RASL10B: variants seen among roughly 807,000 people sequenced by gnomAD.
RASL10B encodes the protein RAS like family 10 member B.
In RASL10B, 10 loss-of-function variants were observed where a neutral mutation model predicts 20.7. That is an observed-to-expected ratio of 0.48 (90% CI 0.30 to 0.82). The LOEUF is 0.82. Ranked by LOEUF, RASL10B falls within the 40% of genes least tolerant of loss-of-function variation. The pLI is 0.07. For synonymous variants in RASL10B, 110 were observed against 123.3 expected, an observed-to-expected ratio of 0.89 and a Z score of 0.72; for missense variants, 231 against 295.4, an observed-to-expected ratio of 0.78 and a Z score of 1.60.
rs146768282 is a variant in RASL10B at position 35,738,019 on chromosome 17, G to A, written c.217-2390G>A. Among the ~76,000 whole-genome samples the A allele has an allele frequency of 1.9e-4, 29 of 152,082 alleles. No individual in the cohort carries two copies. In the East Asian group the frequency reaches 4.8e-3, roughly 25 times the overall value. The stretch of plus-strand genomic sequence containing the variant: ...CTGTGAGCAATGTATATGAGAGCCC[G>A]TTTTCCTACAGTCTTGCCATCAGAG... On this transcript the variant is annotated intron_variant, in intron 2 of 3. Transcript: ENST00000603017.
chr17:35,735,071 C>T lies in RASL10B; in HGVS notation c.-114C>T, dbSNP rs1003261274. ...GAGGCCGCAGAGGGCCCAGGGCAAG[C>T]AGAGGCAGCAATGGTTGGTCCTGAC... On this transcript the variant is annotated 5_prime_UTR_variant, in exon 2 of 4. Coordinates refer to ENST00000603017, the MANE Select transcript of RASL10B (RefSeq NM_033315.4). This position sits in a 1 kb window ranked among gnomAD's most constrained non-coding sequence, Gnocchi z 6.7. The T allele has an allele frequency of 2.4e-5, 26 of 1,092,772 alleles. No individual in the cohort carries two copies. The highest frequency in any genetic ancestry group is 3.5e-5 in the Non-Finnish European group (26 of 738,628). 67.7% of individuals were successfully genotyped at this position (1,092,772 alleles called of 1,614,324 possible).
chr17:35,736,447 C>A (rs143257435), intron 2 of RASL10B, among the ~76,000 whole-genome samples: 6 of 152,310 alleles, frequency 3.9e-5, no homozygotes, highest in African/African-American at 4.8e-5. Context: ...GCAGGAGGGC[C>A]CTGGCCTAAT....
Position 35,741,357 on chromosome 17 carries a change from C to G in RASL10B, c.*52C>G. The G allele has an allele frequency of 7.2e-7, 1 of 1,386,304 alleles. No homozygotes were observed. The highest frequency in any genetic ancestry group is 9.3e-7 in the Non-Finnish European group (1 of 1,076,318). The allele number at this position is 1,386,304 out of a possible 1,614,324, so 85.9% of individuals were successfully genotyped here. Reference sequence around the variant, plus strand: ...GGCACTGGCCGAGCGGAGGGCGGGGCCGTACTGCGGGGCTGGGGCGGGGAG... The same window carrying G: ...GGCACTGGCCGAGCGGAGGGCGGGGGCGTACTGCGGGGCTGGGGCGGGGAG... On this transcript the variant is annotated 3_prime_UTR_variant, in exon 4 of 4. Transcript: ENST00000603017.
In RASL10B at chr17:35,741,133, T is replaced by A; in HGVS notation, c.440T>A (p.Val147Glu). Residue 147 changes from valine to glutamate, a missense_variant, in exon 4 of 4, where the codon GTA (valine) becomes GAA (glutamate). Coordinates refer to ENST00000603017, the MANE Select transcript of RASL10B (RefSeq NM_033315.4). ...CCGCGCTGGAACGTGTCGCACCTGG[T>A]ACGCAAGACCTGGAAGTGCGGCTAC... ...VIPRWNVSHL[V>E]RKTWKCGYVE... 6.2e-7 allele frequency: 1 copy of A among 1,613,580 alleles called. No homozygotes were observed. Among genetic ancestry groups the A allele is most frequent in the Non-Finnish European group, 8.5e-7 (1 of 1,180,018 alleles).
intron 1 of RASL10B, among the ~76,000 whole-genome samples, chr17:35,733,995 G>A (rs1555596711): frequency 6.6e-6 from 1 of 152,200 alleles, no homozygotes; most frequent in Admixed American, 6.5e-5. Flanking sequence ...GCATTCACTG[G>A]TTAGAATCAC....
Position 35,731,850 on chromosome 17 carries a change from A to T in RASL10B, c.-176A>T. On this transcript the variant is annotated 5_prime_UTR_variant, in exon 1 of 4. Coordinates refer to ENST00000603017, the MANE Select transcript of RASL10B (RefSeq NM_033315.4). ...GCTCAGCCCCGCCGACCGGCCGGCC[A>T]GGGCAGGGGGCAGCTAGGACGGCCC... The T allele has an allele frequency of 6.7e-6, 1 of 150,092 alleles. No homozygotes were observed. The highest frequency in any genetic ancestry group is 2.0e-4 in the East Asian group (1 of 5,014). 9.3% of individuals were successfully genotyped at this position (150,092 alleles called of 1,614,324 possible).
rs947423058 is a variant in RASL10B at position 35,742,940 on chromosome 17, C to G, written c.*1635C>G. ...TAGGGGGAATCTATGATTCTGCTTC[C>G]CCAGCGGATTCCCACTCTGTCCACC... is the stretch of plus-strand genomic sequence containing the variant. On this transcript the variant is annotated 3_prime_UTR_variant, in exon 4 of 4. Coordinates refer to ENST00000603017, the MANE Select transcript of RASL10B (RefSeq NM_033315.4). 2 of 152,430 alleles carry G rather than the reference C, an allele frequency of 1.3e-5. No individual in the cohort carries two copies. Among genetic ancestry groups the G allele is most frequent in the African/African-American group, 2.4e-5 (1 of 41,446 alleles). The allele number at this position is 152,430 out of a possible 1,614,324, so 9.4% of individuals were successfully genotyped here. A position where few individuals can be genotyped will look rare whatever the true frequency, so the allele number is the denominator to read the frequency against.
chr17:35,742,491 C>T lies in RASL10B; in HGVS notation c.*1186C>T, dbSNP rs180828169. 5 of 152,740 alleles carry T rather than the reference C, an allele frequency of 3.3e-5. No individual in the cohort carries two copies. Among genetic ancestry groups the T allele is most frequent in the Admixed American group, 3.3e-4 (5 of 15,284 alleles). The allele number at this position is 152,740 out of a possible 1,614,324, so 9.5% of individuals were successfully genotyped here. On this transcript the variant is annotated 3_prime_UTR_variant, in exon 4 of 4. Transcript: ENST00000603017. Reference sequence around the variant, plus strand: ...ATCTGACACCCTCTTGTCCCAACACCAGTCAGCCCTATACCCTAACTCACT... The same window carrying T: ...ATCTGACACCCTCTTGTCCCAACACTAGTCAGCCCTATACCCTAACTCACT...
chr17:35,740,542 C>CTGGA lies in RASL10B; in HGVS notation c.341+10_341+13dup. On this transcript the variant is annotated intron_variant, in intron 3 of 3. Transcript: ENST00000603017. ...CAGATCCTGGAGACGAGGTGAGAGG[C>CTGGA]TGGAACACAGTCCATTGCCACCTCT... is the stretch of plus-strand genomic sequence containing the variant. 6.2e-7 allele frequency: 1 copy of CTGGA among 1,611,932 alleles called. No individual in the cohort carries two copies.
In RASL10B at chr17:35,733,425, A is replaced by T. The variant is rs587773842; in HGVS notation, c.-148+1547A>T. 1.1e-3 allele frequency among the ~76,000 whole-genome samples: 164 copies of T among 152,338 alleles called. 1 individual carries two copies. Among genetic ancestry groups the T allele is most frequent in the Non-Finnish European group, 2.0e-3 (137 of 68,028 alleles). ...TAGGAATCAAGCCCTGGCGGTTCTCATTCCACATCCTGACCTGTATTTACT... is the reference window on the plus strand; with the variant it reads ...TAGGAATCAAGCCCTGGCGGTTCTCTTTCCACATCCTGACCTGTATTTACT... On this transcript the variant is annotated intron_variant, in intron 1 of 3. Coordinates refer to ENST00000603017, the MANE Select transcript of RASL10B (RefSeq NM_033315.4).
intron 3 of RASL10B, among the ~76,000 whole-genome samples, chr17:35,740,823 C>G (rs2085624229): frequency 6.6e-6 from 1 of 152,204 alleles, no homozygotes; most frequent in African/African-American, 2.4e-5. Flanking sequence ...AACATTTAAG[C>G]CTATGTCCTC....
At chr17:35,740,947 G>C in intron 3 of RASL10B, 88 bp from the exon 4 acceptor site, 1 of 1,104,038 alleles carries the variant, frequency 9.1e-7, no homozygotes, top group South Asian at 1.5e-5. Flanking sequence ...TACGGTGGTG[G>C]TAGTATTGGC....
chr17:35,732,704 G>T (rs1218916647), intron 1 of RASL10B, among the ~76,000 whole-genome samples: 14 of 152,188 alleles, frequency 9.2e-5, no homozygotes, highest in African/African-American at 3.1e-4. Flanking sequence ...CAGGGAGTGT[G>T]GTGTCCGCGA....
intron 2 of RASL10B, among the ~76,000 whole-genome samples, chr17:35,738,965 C>T (rs1334770504): frequency 6.6e-6 from 1 of 152,218 alleles, no homozygotes; most frequent in African/African-American, 2.4e-5. Flanking sequence ...TTCCAGGCTC[C>T]TGGAGATCAC....
chr17:35,738,123 A>G (rs1218338847), intron 2 of RASL10B, among the ~76,000 whole-genome samples: 2 of 152,120 alleles, frequency 1.3e-5, no homozygotes, highest in Non-Finnish European at 2.9e-5. Context: ...CTCCATTTGC[A>G]TCTCTGATCG....
chr17:35,733,097 G>T (rs587631776), intron 1 of RASL10B, among the ~76,000 whole-genome samples: 18 of 152,288 alleles, frequency 1.2e-4, no homozygotes, highest in Non-Finnish European at 2.2e-4. Context: ...TAAGTCACTG[G>T]GTTTGTTTTT....
chr17:35,731,938 G>A (rs1354371663), intron 1 of RASL10B, 60 bp downstream of exon 1: 2 of 151,128 alleles, frequency 1.3e-5, no homozygotes, highest in Admixed American at 6.6e-5. Context: ...CAGGGGCTCG[G>A]GGGGTCGGGC....
chr17:35,734,218 G>A (rs587723097), intron 1 of RASL10B, among the ~76,000 whole-genome samples: 2 of 152,310 alleles, frequency 1.3e-5, no homozygotes, highest in East Asian at 1.9e-4. Context: ...CCCAGGAGGT[G>A]AAGGCTGCAG....
At chr17:35,734,980 A>G (rs1054121116) in intron 1 of RASL10B, 58 bp from the exon 2 acceptor site, 17 of 590,506 alleles carry the variant, frequency 2.9e-5, no homozygotes, top group Non-Finnish European at 4.2e-5. Flanking sequence ...AAGGTGGAAA[A>G]GTGCAGGACA....
Sources: gnomAD v4.1 joint callset for allele counts (sites outside exome capture counted in the v4.1 genomes callset) on GRCh38, gnomAD v4.1.1 for gene constraint, Gnocchi (gnomAD v3.1) non-coding constraint, MANE v1.5 for transcripts, NCBI Gene and HGNC (gene_info 2026-07-23, HGNC 2026-07-21) for gene names.